The following AP1G1 variants were observed in gnomAD, a reference collection of about 807,000 sequenced individuals.
AP1G1 encodes adaptor related protein complex 1 subunit gamma 1, also known as AP-1 complex subunit gamma-1.
A neutral mutation model predicts 108.3 loss-of-function variants in AP1G1; 7 were observed. That is an observed-to-expected ratio of 0.06 (90% CI 0.04 to 0.12). The LOEUF is 0.12. Among genes scored for constraint, AP1G1 ranks in the 10% least tolerant of loss-of-function variants. The pLI, the probability that AP1G1 is intolerant of heterozygous loss-of-function variation, is 1.00. For synonymous variants in AP1G1, 379 were observed against 353.5 expected (o/e 1.07, Z -0.81); for missense variants, 756 against 1,010.7 (o/e 0.75, Z 3.42).
At chr16:71,753,517 T>G (rs778951001) in intron 13 of AP1G1, 10 of 283,088 alleles carry the variant, frequency 3.5e-5, no homozygotes, top group Non-Finnish European at 6.1e-5. Context: ...TATGGTACAC[T>G]ATTCCTCACG....
intron 2 of AP1G1, among the ~76,000 whole-genome samples, chr16:71,788,340 A>T (rs562216751): frequency 1.8e-4 from 27 of 152,310 alleles, no homozygotes; most frequent in East Asian, 7.7e-4. Flanking sequence ...AATATGAAAT[A>T]AAAAAAACCC....
chr16:71,743,602 CAAAAAAA>C (rs60790948), intron 19 of AP1G1: 50,377 of 113,996 alleles, frequency 0.44, 9,209 homozygotes, highest in East Asian at 0.78. Flanking sequence ...GACTCTGTCT[CAAAAAAA>C]AAAAAAAAAA....
chr16:71,771,047 C>A (rs1000355444), intron 5 of AP1G1, 109 bp downstream of exon 5: 2 of 601,416 alleles, frequency 3.3e-6, no homozygotes, highest in Non-Finnish European at 2.8e-6. Flanking sequence ...TAAGGCACAG[C>A]AGAAACGCGA....
chr16:71,785,433 G>A (rs1041465904), intron 2 of AP1G1, among the ~76,000 whole-genome samples: 12 of 152,026 alleles, frequency 7.9e-5, no homozygotes, highest in African/African-American at 1.9e-4. Flanking sequence ...AAAATTAGCC[G>A]GGTGTGGTGG....
At chr16:71,808,155 G>C (rs986251589) in intron 1 of AP1G1, 44 of 1,141,558 alleles carry the variant, frequency 3.9e-5, no homozygotes, top group Non-Finnish European at 4.7e-5. Flanking sequence ...CAGGAGCTGA[G>C]AAAAGGGTAA....
chr16:71,782,548 G>T (rs868037988), intron 2 of AP1G1, among the ~76,000 whole-genome samples: 5 of 151,248 alleles, frequency 3.3e-5, no homozygotes, highest in African/African-American at 9.7e-5. Context: ...GTGCAGTGGC[G>T]CAGTCTTGGC....
At chr16:71,785,421 C>T (rs781108309) in intron 2 of AP1G1, among the ~76,000 whole-genome samples, 1 of 151,338 alleles carries the variant, frequency 6.6e-6, no homozygotes, top group African/African-American at 2.4e-5. Flanking sequence ...ACCAAAAATA[C>T]AAAAATTAGC....
chr16:71,748,138 T>A, intron 16 of AP1G1, 113 bp downstream of exon 16: 1 of 1,089,796 alleles, frequency 9.2e-7, no homozygotes. Flanking sequence ...GTGTTATTAT[T>A]CTCTCTACTT....
At chr16:71,782,548 G>A (rs868037988) in intron 2 of AP1G1, among the ~76,000 whole-genome samples, 17 of 151,246 alleles carry the variant, frequency 1.1e-4, no homozygotes, top group Admixed American at 1.1e-3. Context: ...GTGCAGTGGC[G>A]CAGTCTTGGC....
chr16:71,767,955 C>G, intron 6 of AP1G1: 2 of 1,501,470 alleles, frequency 1.3e-6, no homozygotes, highest in Admixed American at 1.7e-5. Context: ...GGGACAGATA[C>G]GGGTCTCATA....
chr16:71,752,350 T>C (rs1283421110), intron 13 of AP1G1, among the ~76,000 whole-genome samples: 1 of 152,204 alleles, frequency 6.6e-6, no homozygotes, highest in Non-Finnish European at 1.5e-5. Context: ...ATTTATTAAC[T>C]TTTAACCTTT....
chr16:71,755,200 C>T (rs533428048), intron 12 of AP1G1, among the ~76,000 whole-genome samples: 21 of 151,798 alleles, frequency 1.4e-4, no homozygotes, highest in Non-Finnish European at 1.3e-4. Context: ...CTGAGGCAGG[C>T]GAATCGCTTG....
Position 71,731,810 on chromosome 16 carries a change from C to T in AP1G1, c.*1248G>A, listed in dbSNP as rs879543247. ...TTCCTACCCTATGGTGTCCGTAAGACCTCCTCTGACATAGGGGTATGGAAG... is the reference window on the plus strand; with the variant it reads ...TTCCTACCCTATGGTGTCCGTAAGATCTCCTCTGACATAGGGGTATGGAAG... On this transcript the variant is annotated 3_prime_UTR_variant, in exon 23 of 23. Transcript: ENST00000299980. The T allele has an allele frequency of 6.6e-6, 1 of 152,638 alleles. No individual in the cohort carries two copies. The highest frequency in any genetic ancestry group is 1.5e-5 in the Non-Finnish European group (1 of 68,034). 9.5% of individuals were successfully genotyped at this position (152,638 alleles called of 1,614,324 possible). A position where few individuals can be genotyped will look rare whatever the true frequency, so the allele number is the denominator to read the frequency against.
intron 1 of AP1G1, among the ~76,000 whole-genome samples, chr16:71,801,206 C>A (rs1226770971): frequency 6.6e-6 from 1 of 151,952 alleles, no homozygotes; most frequent in Non-Finnish European, 1.5e-5. Flanking sequence ...ACTCTGAAGT[C>A]TGAGGCAGGA....
chr16:71,733,966 G>A (rs763241432), intron 22 of AP1G1, among the ~76,000 whole-genome samples: 2 of 152,136 alleles, frequency 1.3e-5, no homozygotes, highest in Non-Finnish European at 2.9e-5. Flanking sequence ...TGTATCAGAT[G>A]GTCAAAGGAG....
intron 1 of AP1G1, among the ~76,000 whole-genome samples, chr16:71,806,003 G>A (rs2032985509): frequency 6.7e-6 from 1 of 150,276 alleles, no homozygotes; most frequent in Non-Finnish European, 1.5e-5. Context: ...GCAACAGAGT[G>A]AGACCCTGTC....
At chr16:71,801,824 A>C (rs2032810354) in intron 1 of AP1G1, among the ~76,000 whole-genome samples, 1 of 150,404 alleles carries the variant, frequency 6.6e-6, no homozygotes, top group Admixed American at 6.7e-5. Flanking sequence ...CTGGAGACTG[A>C]GGCAGGAGAA....
intron 12 of AP1G1, among the ~76,000 whole-genome samples, chr16:71,755,520 A>C (rs766439126): frequency 6.6e-6 from 1 of 152,198 alleles, no homozygotes; most frequent in Non-Finnish European, 1.5e-5. Flanking sequence ...AAAAGTGTGA[A>C]ATTTTTTTGG....
Position 71,739,281 on chromosome 16 carries a change from A to C in AP1G1, c.2060T>G (p.Leu687Trp). The C allele has an allele frequency of 6.2e-7, 1 of 1,613,256 alleles. No individual in the cohort carries two copies. Among genetic ancestry groups the C allele is most frequent in the Non-Finnish European group, 8.5e-7 (1 of 1,179,816 alleles). ...SVPQISQPPF[L>W]LDGLSSQPLF... ...AGGCTGTGATGAAAGCCCATCCAACAAGAAGGGGGGCTGGGATATCTGTGG... is the reference window on the plus strand; with the variant it reads ...AGGCTGTGATGAAAGCCCATCCAACCAGAAGGGGGGCTGGGATATCTGTGG... Residue 687 changes from leucine to tryptophan, a missense_variant, in exon 20 of 23, where the codon TTG becomes TGG. Physicochemically the swap from Leu to Trp is moderately conservative, Grantham distance 61. Coordinates refer to ENST00000299980, the MANE Select transcript of AP1G1 (RefSeq NM_001128.6).
Sources: gnomAD v4.1 joint callset for allele counts (sites outside exome capture counted in the v4.1 genomes callset) on GRCh38, gnomAD v4.1.1 for gene constraint, MANE v1.5 for transcripts, NCBI Gene and HGNC (gene_info 2026-07-23, HGNC 2026-07-21) for gene names.